PARD3: variants seen among roughly 807,000 people sequenced by gnomAD.
PARD3 encodes par-3 family cell polarity regulator.
A neutral mutation model predicts 155.4 loss-of-function variants in PARD3; 75 were observed. The ratio of observed to expected loss-of-function variants is 0.48; its 90% confidence interval spans 0.40 to 0.58. The LOEUF (loss-of-function observed/expected upper bound fraction) is 0.58. PARD3 is among the 20% of genes least tolerant of loss of function. PARD3 has a pLI of 0.00. For synonymous variants in PARD3, 576 were observed against 610.5 expected (o/e 0.94, Z 0.83); for missense variants, 1,642 against 1,721.7 (o/e 0.95, Z 0.82).
intron 3 of PARD3, among the ~76,000 whole-genome samples, chr10:34,493,624 C>T (rs999691334): frequency 6.6e-6 from 1 of 151,562 alleles, no homozygotes; most frequent in African/African-American, 2.4e-5. Context: ...TCCAGCTACT[C>T]GGGAGGCTGA....
intron 2 of PARD3, among the ~76,000 whole-genome samples, chr10:34,652,978 A>C (rs1204686866): frequency 6.6e-6 from 1 of 152,190 alleles, no homozygotes; most frequent in Non-Finnish European, 1.5e-5. Flanking sequence ...TTTTAATGAC[A>C]AACCTTAGAG....
At chr10:34,350,064 T>C (rs1837874963) in intron 14 of PARD3, among the ~76,000 whole-genome samples, 1 of 152,320 alleles carries the variant, frequency 6.6e-6, no homozygotes, top group East Asian at 1.9e-4. Context: ...AAAAGACAGA[T>C]TTAAATGAAG....
chr10:34,790,174 T>C (rs1841466527), intron 1 of PARD3, among the ~76,000 whole-genome samples: 2 of 152,232 alleles, frequency 1.3e-5, no homozygotes, highest in African/African-American at 4.8e-5. Flanking sequence ...TTCTAGACTG[T>C]AATGGGATTA....
At position 34,517,769 on chromosome 10, in the gene PARD3, A is replaced by G. The variant is rs35335459; in HGVS notation, c.223-610T>C. On this transcript the variant is annotated intron_variant, in intron 2 of 24. Transcript: ENST00000374788. ...TGCAAATATGTTTGATAATAAAAGC[A>G]GATGTTTTCACAGTCAGAAACAGAA... Among the ~76,000 whole-genome samples, 842 of 152,326 alleles carry G rather than the reference A, an allele frequency of 5.5e-3. 4 individuals carry two copies. Among genetic ancestry groups the G allele is most frequent in the Non-Finnish European group, 7.7e-3 (523 of 68,030 alleles).
intron 22 of PARD3, among the ~76,000 whole-genome samples, chr10:34,252,936 A>G (rs538501005): frequency 6.6e-6 from 1 of 152,292 alleles, no homozygotes; most frequent in South Asian, 2.1e-4. Context: ...AATGGGTAGG[A>G]TGTAGGAAAC....
intron 22 of PARD3, among the ~76,000 whole-genome samples, chr10:34,159,563 T>C (rs1949174002): frequency 6.6e-6 from 1 of 152,244 alleles, no homozygotes; most frequent in African/African-American, 2.4e-5. Context: ...TTCCAACTTC[T>C]AACATCTAGG....
intron 22 of PARD3, among the ~76,000 whole-genome samples, chr10:34,185,842 T>C (rs1950467338): frequency 6.7e-6 from 1 of 148,460 alleles, no homozygotes; most frequent in African/African-American, 2.4e-5. Context: ...TATATTATAT[T>C]ATATTATATT....
At chr10:34,568,361 G>A (rs148492721) in intron 2 of PARD3, among the ~76,000 whole-genome samples, 1,830 of 152,186 alleles carry the variant, frequency 0.012, 16 homozygotes, top group Middle Eastern at 0.044. Flanking sequence ...CCTTTAAGAG[G>A]ACTTAATTCA....
At chr10:34,540,551 C>T (rs1056209924) in intron 2 of PARD3, among the ~76,000 whole-genome samples, 9 of 152,082 alleles carry the variant, frequency 5.9e-5, no homozygotes, top group African/African-American at 1.2e-4. Context: ...GGCTTGGGCC[C>T]GGGAGACAGG....
intron 3 of PARD3, among the ~76,000 whole-genome samples, chr10:34,515,188 C>T (rs1289300573): frequency 6.6e-6 from 1 of 152,214 alleles, no homozygotes; most frequent in East Asian, 1.9e-4. Context: ...GTACCACCTG[C>T]ACATCATTTT....
intron 2 of PARD3, among the ~76,000 whole-genome samples, chr10:34,552,134 C>T (rs2084629455): frequency 6.6e-6 from 1 of 152,166 alleles, no homozygotes; most frequent in Non-Finnish European, 1.5e-5. Flanking sequence ...ATTATAGAGA[C>T]AGAGTCTCAC....
chr10:34,695,984 C>A (rs1197608457), intron 2 of PARD3, among the ~76,000 whole-genome samples: 1 of 152,172 alleles, frequency 6.6e-6, no homozygotes, highest in East Asian at 1.9e-4. Flanking sequence ...ATGATAAGGA[C>A]AGGCCCGAGT....
At chr10:34,624,693 C>A (rs2132748128) in intron 2 of PARD3, among the ~76,000 whole-genome samples, 1 of 152,358 alleles carries the variant, frequency 6.6e-6, no homozygotes, top group South Asian at 2.1e-4. Context: ...GAGGCTGACA[C>A]TGTGCCCTGC....
intron 12 of PARD3, among the ~76,000 whole-genome samples, chr10:34,369,614 A>G (rs1200584630): frequency 6.6e-6 from 1 of 152,204 alleles, no homozygotes; most frequent in Non-Finnish European, 1.5e-5. Flanking sequence ...GTAAGCCTGT[A>G]TAAATCACAT....
At chr10:34,798,270 A>G (rs1842495653) in intron 1 of PARD3, among the ~76,000 whole-genome samples, 1 of 152,028 alleles carries the variant, frequency 6.6e-6, no homozygotes, top group East Asian at 1.9e-4. Context: ...TTGAAGCTGC[A>G]GTGAGCTATT....
intron 2 of PARD3, among the ~76,000 whole-genome samples, chr10:34,598,266 T>C (rs1026820281): frequency 6.6e-6 from 1 of 150,464 alleles, no homozygotes; most frequent in Non-Finnish European, 1.5e-5. Context: ...TAACACCTAC[T>C]GAAAGGAAGA....
chr10:34,132,810 G>GC (rs1564419162), intron 22 of PARD3, among the ~76,000 whole-genome samples: 1 of 151,918 alleles, frequency 6.6e-6, no homozygotes, highest in Admixed American at 6.6e-5. Flanking sequence ...GGCCCACCAC[G>GC]CCCCCCTATC....
intron 2 of PARD3, among the ~76,000 whole-genome samples, chr10:34,605,719 A>G (rs1321896600): frequency 1.9e-4 from 14 of 74,150 alleles, no homozygotes; most frequent in Non-Finnish European, 2.3e-4. Flanking sequence ...ATATATATAT[A>G]TCTCCTATAT....
At chr10:34,812,073 T>C (rs990048552) in intron 1 of PARD3, among the ~76,000 whole-genome samples, 1 of 152,168 alleles carries the variant, frequency 6.6e-6, no homozygotes, top group Non-Finnish European at 1.5e-5. Flanking sequence ...ATCTACTCAC[T>C]GAGGACATGT....
Sources: allele counts gnomAD v4.1 joint callset (sites outside exome capture counted in the v4.1 genomes callset), GRCh38; gene constraint gnomAD v4.1.1; transcripts MANE v1.5; gene names NCBI Gene and HGNC (gene_info 2026-07-23, HGNC 2026-07-21).